The following NRF1 variants were observed in gnomAD, a reference collection of about 807,000 sequenced individuals.
The protein encoded by NRF1 is alpha palindromic-binding protein.
Under a neutral mutation model 58.5 loss-of-function variants are expected in NRF1, and 5 were observed. The ratio of observed to expected loss-of-function variants is 0.09; its 90% CI spans 0.04 to 0.18. The LOEUF (loss-of-function observed/expected upper bound fraction) is 0.18, where lower values mean the gene tolerates loss of function less well. Among genes scored for constraint, NRF1 ranks in the 10% least tolerant of loss-of-function variants. The pLI is 1.00. For synonymous variants in NRF1, 224 were observed against 246.7 expected, an observed-to-expected ratio of 0.91 and a Z score of 0.86; for missense variants, 288 against 657.7, an observed-to-expected ratio of 0.44 and a Z score of 6.15.
In NRF1 at chr7:129,632,251, A is replaced by G. The variant is rs139423890; in HGVS notation, c.-7+20427A>G. Among the ~76,000 whole-genome samples, 6 of 152,208 alleles carry G rather than the reference A, an allele frequency of 3.9e-5. No individual in the cohort carries two copies. The East Asian group carries it at 1.2e-3, about 29-fold the overall frequency. ...ATCATGCCACTGCACTCCAGCCTGG[A>G]TGACAAAGGGAGACCCTGTCTCTTA... On this transcript the variant is annotated intron_variant, in intron 1 of 10. Transcript: ENST00000393232.
intron 5 of NRF1, among the ~76,000 whole-genome samples, chr7:129,692,934 T>G (rs1235771959): frequency 6.6e-6 from 1 of 152,200 alleles, no homozygotes; most frequent in African/African-American, 2.4e-5. Context: ...AATGAAGCTT[T>G]CTTCTCCCTA....
chr7:129,697,715 A>G (rs1802731772), intron 5 of NRF1, among the ~76,000 whole-genome samples: 1 of 150,362 alleles, frequency 6.7e-6, no homozygotes, highest in Non-Finnish European at 1.5e-5. Flanking sequence ...GCTAGTCTGC[A>G]CTAAACATTT....
intron 5 of NRF1, among the ~76,000 whole-genome samples, chr7:129,695,375 G>A (rs1393264454): frequency 4.0e-5 from 6 of 151,874 alleles, no homozygotes; most frequent in African/African-American, 7.3e-5. Context: ...TCAGGAGTTC[G>A]AGAGCAGCCT....
intron 5 of NRF1, 89 bp from the exon 6 acceptor site, chr7:129,708,986 C>T (rs1803011399): frequency 3.5e-6 from 4 of 1,149,208 alleles, no homozygotes; most frequent in Non-Finnish European, 4.6e-6. Context: ...CTGGAAACCT[C>T]TCTGTTTTAT....
chr7:129,656,222 T>G (rs900785231), intron 1 of NRF1, among the ~76,000 whole-genome samples: 2 of 152,146 alleles, frequency 1.3e-5, no homozygotes, highest in African/African-American at 4.8e-5. Flanking sequence ...GCAGCATATT[T>G]GATCAGCAAG....
chr7:129,683,263 A>G (rs186317302), intron 4 of NRF1, among the ~76,000 whole-genome samples: 41 of 151,762 alleles, frequency 2.7e-4, no homozygotes, highest in Non-Finnish European at 4.6e-4. Context: ...TCAAAAGACA[A>G]GAAAAAAATT....
At chr7:129,746,975 T>C (rs1386107816) in intron 10 of NRF1, among the ~76,000 whole-genome samples, 1 of 152,296 alleles carries the variant, frequency 6.6e-6, no homozygotes, top group South Asian at 2.1e-4. Flanking sequence ...TTTCCCAGAC[T>C]GTGAGGGCAA....
chr7:129,658,387 T>C (rs958570586), intron 2 of NRF1, among the ~76,000 whole-genome samples: 2 of 151,364 alleles, frequency 1.3e-5, no homozygotes, highest in Non-Finnish European at 2.9e-5. Context: ...AGCCCAGGAG[T>C]TTGAGACCAG....
At chr7:129,742,289 A>C (rs867786653) in intron 10 of NRF1, among the ~76,000 whole-genome samples, 5 of 151,514 alleles carry the variant, frequency 3.3e-5, no homozygotes, top group South Asian at 2.1e-4. Flanking sequence ...AAAAAAAAAA[A>C]AAACAAAAAA....
rs368590354 is a variant in NRF1, at chr7:129,709,045, A to T, written c.607-30A>T. On this transcript the variant is annotated intron_variant, in intron 5 of 10. Transcript: ENST00000393232. ...AAACACACCCCAGATGTCTTTCATG[A>T]GTATTGATGACCACACTGTTCTCTT... The T allele has an allele frequency of 2.1e-6, 3 of 1,417,268 alleles. No homozygotes were observed. The African/African-American group carries it at 4.4e-5, about 21-fold the overall frequency. 87.8% of individuals were successfully genotyped at this position (1,417,268 alleles called of 1,614,324 possible).
In NRF1 at chr7:129,639,657, C is replaced by T. The variant is rs1245881123; in HGVS notation, c.-6-17689C>T. ...CCACCTCCTGGGTTCAAGCCATTCT[C>T]CTGCCTCAGCCTCCCGAGTAGCTGG... is the stretch of plus-strand genomic sequence containing the variant. On this transcript the variant is annotated intron_variant, in intron 1 of 10. Coordinates refer to ENST00000393232, the MANE Select transcript of NRF1 (RefSeq NM_005011.5). Among the ~76,000 whole-genome samples, 3 of 151,650 alleles carry T rather than the reference C, an allele frequency of 2.0e-5. No individual in the cohort carries two copies. The East Asian group carries it at 5.9e-4, about 30-fold the overall frequency.
At chr7:129,708,434 A>AT (rs1218368183) in intron 5 of NRF1, among the ~76,000 whole-genome samples, 1 of 152,234 alleles carries the variant, frequency 6.6e-6, no homozygotes, top group Non-Finnish European at 1.5e-5. Context: ...CTATGTCTAT[A>AT]TGTCAGACTC....
chr7:129,740,816 C>T (rs1371046243), intron 10 of NRF1, among the ~76,000 whole-genome samples: 2 of 152,108 alleles, frequency 1.3e-5, no homozygotes, highest in Non-Finnish European at 2.9e-5. Context: ...CGTTTATATG[C>T]CAGGAATTGC....
chr7:129,734,424 G>T (rs1803657730), intron 10 of NRF1, among the ~76,000 whole-genome samples: 1 of 152,198 alleles, frequency 6.6e-6, no homozygotes, highest in Admixed American at 6.5e-5. Flanking sequence ...CAAATACAGG[G>T]TGATAACCAT....
intron 1 of NRF1, among the ~76,000 whole-genome samples, chr7:129,643,874 G>A (rs554470276): frequency 6.6e-6 from 1 of 152,356 alleles, no homozygotes; most frequent in Admixed American, 6.5e-5. Context: ...AGAATCTGGT[G>A]TGGAGGCAGT....
At chr7:129,644,550 A>G (rs1428003163) in intron 1 of NRF1, among the ~76,000 whole-genome samples, 1 of 152,254 alleles carries the variant, frequency 6.6e-6, no homozygotes, top group Non-Finnish European at 1.5e-5. Flanking sequence ...TGGCCATTTA[A>G]TATTAATTAA....
intron 7 of NRF1, 26 bp downstream of exon 7, chr7:129,710,597 CTG>C (rs767430089): frequency 8.3e-7 from 1 of 1,207,254 alleles, no homozygotes; most frequent in Non-Finnish European, 1.2e-6. Flanking sequence ...GGCTACCAGA[CTG>C]TGGCTTCTGA....
At chr7:129,708,313 G>C (rs1257914334) in intron 5 of NRF1, among the ~76,000 whole-genome samples, 1 of 152,206 alleles carries the variant, frequency 6.6e-6, no homozygotes, top group Non-Finnish European at 1.5e-5. Context: ...ACTATGCCAG[G>C]AAATAAGAAT....
chr7:129,627,599 A>G (rs770462796), intron 1 of NRF1, among the ~76,000 whole-genome samples: 9 of 152,150 alleles, frequency 5.9e-5, no homozygotes, highest in Non-Finnish European at 1.3e-4. Context: ...TTGATAGGGC[A>G]CCAAATTCCA....
Sources: allele counts gnomAD v4.1 joint callset (sites outside exome capture counted in the v4.1 genomes callset), GRCh38; gene constraint gnomAD v4.1.1; transcripts MANE v1.5; gene names NCBI Gene and HGNC (gene_info 2026-07-23, HGNC 2026-07-21).